The following SFTPB variants were observed in gnomAD, a reference collection of about 807,000 sequenced individuals.
SFTPB encodes pulmonary surfactant-associated protein B.
SFTPB carries 32 observed loss-of-function variants against 51.0 expected under a neutral mutation model. That is an observed-to-expected ratio of 0.63 (90% CI 0.47 to 0.84). SFTPB has a LOEUF of 0.84. Among genes scored for constraint, SFTPB ranks in the 40% least tolerant of loss-of-function variants. The probability of loss-of-function intolerance (pLI) is 0.00; values close to 1 mark genes in which losing one functional copy is unlikely to be tolerated. For missense variants in SFTPB, 431 were observed against 491.2 expected, an observed-to-expected ratio of 0.88 and a Z score of 1.16; for synonymous variants, 211 against 208.5, an observed-to-expected ratio of 1.01 and a Z score of -0.10.
intron 8 of SFTPB, 23 bp downstream of exon 8, chr2:85,663,323 G>A: frequency 6.2e-7 from 1 of 1,607,416 alleles, no homozygotes; most frequent in Non-Finnish European, 8.5e-7. Flanking sequence ...CTGACCATGA[G>A]TCCCCATGTG....
intron 3 of SFTPB, 79 bp downstream of exon 3, chr2:85,667,027 T>C: frequency 7.5e-7 from 1 of 1,341,766 alleles, no homozygotes; most frequent in Non-Finnish European, 1.1e-6. Context: ...AAATGGCCCC[T>C]TTAGGGGGCT....
At chr2:85,661,935 A>C in intron 9 of SFTPB, 94 bp downstream of exon 9, 1 of 1,253,622 alleles carries the variant, frequency 8.0e-7, no homozygotes, top group Non-Finnish European at 1.1e-6. Context: ...CCTTGGACCC[A>C]GGGGAGTGAG....
intron 10 of SFTPB, 64 bp downstream of exon 10, chr2:85,661,390 C>T: frequency 8.5e-7 from 1 of 1,170,258 alleles, no homozygotes; most frequent in Non-Finnish European, 1.2e-6. Flanking sequence ...GCAGAAGGGC[C>T]TCCCATGCCC....
rs1366946969 is a variant in SFTPB, at chr2:85,668,163, C to T, written c.21G>A (p.Leu7=). 6.4e-6 allele frequency: 10 copies of T among 1,551,534 alleles called. No individual in the cohort carries two copies. The highest frequency in any genetic ancestry group is 8.7e-6 in the Non-Finnish European group (10 of 1,146,930). The change falls in exon 1 of 11, where the codon CTG becomes CTA. Residue 7 remains leucine, a synonymous_variant. Coordinates refer to ENST00000519937, the MANE Select transcript of SFTPB (RefSeq NM_000542.5). MAESHL[L]QWLLLLLPTL... ...TGGGCAGCAGCAGCAGCAGCCACTG[C>T]AGCAGGTGTGACTCAGCCATGGCAC...
intron 9 of SFTPB, 103 bp downstream of exon 9, chr2:85,661,926 C>T (rs1677325095): frequency 8.5e-7 from 1 of 1,176,280 alleles, no homozygotes; most frequent in Admixed American, 2.0e-5. Context: ...CTGGGACCAC[C>T]TTGGACCCAG....
rs34463745 is a variant in SFTPB, at chr2:85,666,806, A to T, written c.268-64T>A. 0.012 allele frequency: 19,561 copies of T among 1,606,658 alleles called. 342 individuals carry two copies. Among genetic ancestry groups the T allele is most frequent in the South Asian group, 0.06 (5,466 of 90,762 alleles). On this transcript the variant is annotated intron_variant, in intron 3 of 10. Transcript: ENST00000519937. Reference sequence around the variant, plus strand: ...AGGTCTACCCCGCCCAAGTCCCTGGACACAAGGCCCCACCAGGGCAGACTG... The same window carrying T: ...AGGTCTACCCCGCCCAAGTCCCTGGTCACAAGGCCCCACCAGGGCAGACTG...
intron 3 of SFTPB, 71 bp downstream of exon 3, chr2:85,667,035 G>A (rs1223298628): frequency 1.4e-6 from 2 of 1,383,660 alleles, no homozygotes; most frequent in Non-Finnish European, 1.0e-6. Flanking sequence ...CCTTTAGGGG[G>A]CTCAGCTCTT....
intron 4 of SFTPB, among the ~76,000 whole-genome samples, chr2:85,666,202 T>G (rs1573476382): frequency 3.8e-5 from 5 of 130,644 alleles, no homozygotes; most frequent in South Asian, 2.5e-4. Context: ...CCAGCTGGGG[T>G]GCTGTGTGTG....
At chr2:85,666,872 G>A (rs1450305402) in intron 3 of SFTPB, 130 bp from the exon 4 acceptor site, 32 of 1,272,198 alleles carry the variant, frequency 2.5e-5, no homozygotes, top group Non-Finnish European at 3.5e-5. Context: ...CGAGTGCCAA[G>A]GAGTTAAGTA....
intron 1 of SFTPB, 72 bp from the exon 2 acceptor site, chr2:85,667,878 C>T: frequency 6.2e-7 from 1 of 1,605,106 alleles, no homozygotes; most frequent in Non-Finnish European, 8.5e-7. Context: ...TTCACCCACC[C>T]TCTAGACCCA....
At chr2:85,667,499 C>A (rs1281516839) in intron 2 of SFTPB, among the ~76,000 whole-genome samples, 180 bp downstream of exon 2, 1 of 152,158 alleles carries the variant, frequency 6.6e-6, no homozygotes, top group Non-Finnish European at 1.5e-5. Flanking sequence ...TCCATCTATT[C>A]TATGTCATCG....
intron 10 of SFTPB, chr2:85,661,217 G>A (rs1423600598): frequency 9.3e-6 from 4 of 429,482 alleles, no homozygotes; most frequent in Non-Finnish European, 1.3e-5. Context: ...GGGAAGCTGG[G>A]GGTTGGGCAC....
chr2:85,663,657 G>C lies in SFTPB; in HGVS notation c.856+7C>G, dbSNP rs765331479. 12 of 1,609,558 alleles carry C rather than the reference G, an allele frequency of 7.5e-6. No homozygotes were observed. In the African/African-American group the frequency reaches 1.3e-4, roughly 18 times the overall value. ...GCATTGGGCTAAGGAGTGGGCAGTG[G>C]GCTCACTTGGGCCAGCGCTGTCATC... On this transcript the variant is annotated splice_region_variant and intron_variant, in intron 7 of 10. Coordinates refer to ENST00000519937, the MANE Select transcript of SFTPB (RefSeq NM_000542.5).
At chr2:85,664,619 A>G (rs1258879589) in intron 6 of SFTPB, among the ~76,000 whole-genome samples, 1 of 152,068 alleles carries the variant, frequency 6.6e-6, no homozygotes, top group Non-Finnish European at 1.5e-5. Context: ...CACCTGTCAC[A>G]TCTGGCTAAT....
upstream of SFTPB, chr2:85,668,278 T>G: frequency 8.0e-7 from 1 of 1,249,802 alleles, no homozygotes; most frequent in South Asian, 1.3e-5. Flanking sequence ...GACCTCAGTG[T>G]TTGTCTTTGC....
chr2:85,661,113 C>T (rs755772194), intron 10 of SFTPB: 4 of 231,736 alleles, frequency 1.7e-5, no homozygotes, highest in South Asian at 1.7e-4. Flanking sequence ...AAAGCTTGGC[C>T]TTGGTCAGAA....
rs2104395137 is a variant in SFTPB at position 85,661,955 on chromosome 2, G to A, written c.1083+74C>T. On this transcript the variant is annotated intron_variant, in intron 9 of 10. Coordinates refer to ENST00000519937, the MANE Select transcript of SFTPB (RefSeq NM_000542.5). ...GACCCAGGGGAGTGAGGCCTCTGAG[G>A]ATCACGGGCCCAAAGGGTGGGGGCT... The A allele has an allele frequency of 3.4e-6, 5 of 1,450,364 alleles. No homozygotes were observed. The South Asian group carries it at 4.9e-5, about 14-fold the overall frequency. The allele number at this position is 1,450,364 out of a possible 1,614,324, so 89.8% of individuals were successfully genotyped here.
intron 10 of SFTPB, among the ~76,000 whole-genome samples, chr2:85,660,426 C>T (rs1207680935): frequency 7.8e-5 from 11 of 140,278 alleles, no homozygotes; most frequent in Admixed American, 2.9e-4. Flanking sequence ...TGAGCCACTG[C>T]GCCCAGCAAA....
At chr2:85,665,585 G>A (rs1166696027) in intron 5 of SFTPB, 21 bp downstream of exon 5, 4 of 1,612,078 alleles carry the variant, frequency 2.5e-6, no homozygotes, top group Middle Eastern at 3.7e-4. Context: ...CCACTTTACT[G>A]GCTGTGGGGG....
Sources: gnomAD v4.1 joint callset for allele counts (sites outside exome capture counted in the v4.1 genomes callset) on GRCh38, gnomAD v4.1.1 for gene constraint, MANE v1.5 for transcripts, NCBI Gene and HGNC (gene_info 2026-07-23, HGNC 2026-07-21) for gene names.